The following PCDHGA2 variants were observed in gnomAD, a reference collection of about 807,000 sequenced individuals.
PCDHGA2 encodes the protein protocadherin gamma subfamily A, 2.
PCDHGA2 carries 40 observed loss-of-function variants against 59.2 expected under a neutral mutation model. That is an observed-to-expected ratio of 0.68 (90% CI 0.52 to 0.88). The LOEUF is 0.88. PCDHGA2 is among the 40% of genes least tolerant of loss of function. The probability of loss-of-function intolerance (pLI) is 0.00; values close to 1 mark genes in which losing one functional copy is unlikely to be tolerated. For missense variants in PCDHGA2, 1,226 were observed against 1,204.0 expected (o/e 1.02, Z -0.27); for synonymous variants, 560 against 526.0 (o/e 1.06, Z -0.89).
At chr5:141,383,385 G>T (rs1779091849) in intron 1 of PCDHGA2, 4 of 1,613,960 alleles carry the variant, frequency 2.5e-6, no homozygotes, top group Non-Finnish European at 3.4e-6. Context: ...ATCCAGATGT[G>T]GGCACGAACT....
At chr5:141,369,112 G>C (rs527912435) in intron 1 of PCDHGA2, among the ~76,000 whole-genome samples, 4 of 152,288 alleles carry the variant, frequency 2.6e-5, no homozygotes, top group Non-Finnish European at 5.9e-5. Flanking sequence ...AATTAAAACT[G>C]TAAGACACCT....
intron 1 of PCDHGA2, chr5:141,356,250 A>G (rs750081994): frequency 2.1e-5 from 33 of 1,575,134 alleles, no homozygotes; most frequent in Non-Finnish European, 2.8e-5. Flanking sequence ...TCACAGTTAC[A>G]TCTCTCACCA....
intron 1 of PCDHGA2, chr5:141,378,405 C>T (rs1250518150): frequency 2.0e-5 from 3 of 152,298 alleles, no homozygotes; most frequent in Non-Finnish European, 4.4e-5. Context: ...GGCCTGTAAT[C>T]GCAGCTACTC....
In PCDHGA2 at chr5:141,477,200, C is replaced by A; in HGVS notation, c.2425-17607C>A. On this transcript the variant is annotated intron_variant, in intron 1 of 3. Transcript: ENST00000394576. The surrounding 1 kb of genome is among the most constrained non-coding windows in gnomAD (Gnocchi z 4.9). The stretch of plus-strand genomic sequence containing the variant: ...AGTCACCTCCGTGTACAGCCCAGTA[C>A]CCGAGGATGCCCCTCTGGGGACTGT... 6.2e-7 allele frequency: 1 copy of A among 1,614,206 alleles called. No homozygotes were observed. Among genetic ancestry groups the A allele is most frequent in the South Asian group, 1.1e-5 (1 of 91,088 alleles).
intron 1 of PCDHGA2, chr5:141,394,906 C>T (rs2150590922): frequency 6.2e-7 from 1 of 1,613,754 alleles, no homozygotes; most frequent in Admixed American, 1.7e-5. Flanking sequence ...GTGGCAGTGG[C>T]TGCCATCTCC....
chr5:141,370,226 A>T, intron 1 of PCDHGA2: 1 of 580,190 alleles, frequency 1.7e-6, no homozygotes, highest in East Asian at 2.9e-5. Flanking sequence ...CGCTGCAGCC[A>T]GCTCGGAAGA....
At chr5:141,385,412 G>T in intron 1 of PCDHGA2, 1 of 1,472,506 alleles carries the variant, frequency 6.8e-7, no homozygotes, top group Admixed American at 2.7e-5. Context: ...TTGAAAATAG[G>T]GATTTAAAAA....
At chr5:141,417,680 A>G (rs1236124418) in intron 1 of PCDHGA2, 21 of 1,016,072 alleles carry the variant, frequency 2.1e-5, no homozygotes, top group Non-Finnish European at 2.9e-5. Context: ...AGCCAACAAC[A>G]GAAAAGAAAA....
chr5:141,339,650 C>G lies in PCDHGA2; in HGVS notation c.679C>G (p.Arg227Gly), dbSNP rs774723964. ...GGDPVLSGTS[R>G]ICVKVLDAND... ...TGACCCAGTGCTATCTGGCACCTCCCGCATCTGCGTGAAGGTCCTGGATGC... is the reference window on the plus strand; with the variant it reads ...TGACCCAGTGCTATCTGGCACCTCCGGCATCTGCGTGAAGGTCCTGGATGC... The change falls in exon 1 of 4, where the codon CGC (arginine) becomes GGC (glycine). Residue 227 changes from arginine to glycine, a missense_variant. By Grantham distance (125) the Arg-to-Gly change is moderately radical. Coordinates refer to ENST00000394576, the MANE Select transcript of PCDHGA2 (RefSeq NM_018915.4). 1 of 1,614,174 alleles carries G rather than the reference C, an allele frequency of 6.2e-7. No individual in the cohort carries two copies. The highest frequency in any genetic ancestry group is 8.5e-7 in the Non-Finnish European group (1 of 1,180,032).
intron 1 of PCDHGA2, chr5:141,346,204 T>C: frequency 6.2e-7 from 1 of 1,614,134 alleles, no homozygotes; most frequent in Non-Finnish European, 8.5e-7. Flanking sequence ...AAGTCACGCC[T>C]GCTGCAGGCT....
At chr5:141,502,291 G>A (rs1346186675) in intron 2 of PCDHGA2, among the ~76,000 whole-genome samples, 1 of 151,370 alleles carries the variant, frequency 6.6e-6, no homozygotes, top group African/African-American at 2.5e-5. Context: ...GCATTTGGTT[G>A]TCACGTCTTT....
In PCDHGA2 at chr5:141,485,101, T is replaced by C; in HGVS notation, c.2425-9706T>C. On this transcript the variant is annotated intron_variant, in intron 1 of 3. Coordinates refer to ENST00000394576, the MANE Select transcript of PCDHGA2 (RefSeq NM_018915.4). The surrounding 1 kb of genome is among the most constrained non-coding windows in gnomAD (Gnocchi z 5.7). ...GGAAAGGGAGATAGGTGTCTCCAGC[T>C]GCTGTGGCTGTTTGGGGCGGGTCGG... 1 of 1,158,208 alleles carries C rather than the reference T, an allele frequency of 8.6e-7. No homozygotes were observed. Among genetic ancestry groups the C allele is most frequent in the South Asian group, 1.4e-5 (1 of 72,622 alleles). The allele number at this position is 1,158,208 out of a possible 1,614,324, so 71.7% of individuals were successfully genotyped here.
intron 1 of PCDHGA2, among the ~76,000 whole-genome samples, chr5:141,348,877 G>C (rs533062795): frequency 6.6e-6 from 1 of 152,204 alleles, no homozygotes; most frequent in African/African-American, 2.4e-5. Context: ...TTGTTGAGTT[G>C]GATCTCATTT....
At position 141,340,555 on chromosome 5, in the gene PCDHGA2, G is replaced by C. The variant is rs1756957734; in HGVS notation, c.1584G>C (p.Leu528Phe). Residue 528 changes from leucine to phenylalanine, a missense_variant, in exon 1 of 4, where the codon TTG becomes TTC. Coordinates refer to ENST00000394576, the MANE Select transcript of PCDHGA2 (RefSeq NM_018915.4). ...TTGATTATGAGCAGTTGCGAGACTTGCAAGTGTGGGTGATAGCGCGGGACA... is the reference window on the plus strand; with the variant it reads ...TTGATTATGAGCAGTTGCGAGACTTCCAAGTGTGGGTGATAGCGCGGGACA... ...RSFDYEQLRDLQVWVIARDSG... is the reference protein window; with the variant it reads ...RSFDYEQLRDFQVWVIARDSG... The C allele has an allele frequency of 5.6e-6, 9 of 1,614,250 alleles. No homozygotes were observed. The highest frequency in any genetic ancestry group is 7.6e-6 in the Non-Finnish European group (9 of 1,180,052).
chr5:141,356,038 T>C, intron 1 of PCDHGA2: 1 of 1,613,970 alleles, frequency 6.2e-7, no homozygotes, highest in Non-Finnish European at 8.5e-7. Flanking sequence ...CGTGACGTAT[T>C]CTTTCCGGAA....
At chr5:141,372,067 A>G (rs1209515606) in intron 1 of PCDHGA2, 2 of 1,613,450 alleles carry the variant, frequency 1.2e-6, no homozygotes, top group Admixed American at 1.7e-5. Flanking sequence ...CGCAACGACA[A>G]TGCACCGCTG....
intron 1 of PCDHGA2, among the ~76,000 whole-genome samples, chr5:141,379,981 C>A (rs968805615): frequency 1.5e-5 from 2 of 135,234 alleles, no homozygotes; most frequent in East Asian, 5.0e-4. Flanking sequence ...CTCACTGCAA[C>A]TTCCTCCTCC....
At chr5:141,440,631 A>C (rs1036203175) in intron 1 of PCDHGA2, 2 of 152,224 alleles carry the variant, frequency 1.3e-5, no homozygotes, top group African/African-American at 4.8e-5. Flanking sequence ...ATGTTGAGAG[A>C]AATTCCTTAC....
intron 1 of PCDHGA2, among the ~76,000 whole-genome samples, chr5:141,354,288 A>G: frequency 6.6e-6 from 1 of 152,310 alleles, no homozygotes; most frequent in African/African-American, 2.4e-5. Flanking sequence ...GTCATTCATG[A>G]AACATTGAAA....
Sources: gnomAD v4.1 joint callset for allele counts (sites outside exome capture counted in the v4.1 genomes callset) on GRCh38, gnomAD v4.1.1 for gene constraint, Gnocchi (gnomAD v3.1) non-coding constraint, MANE v1.5 for transcripts, NCBI Gene and HGNC (gene_info 2026-07-23, HGNC 2026-07-21) for gene names.